Variants in DAB1 observed in about 807,000 individuals in gnomAD.
The protein encoded by DAB1 is disabled homolog 1.
DAB1 carries 15 observed loss-of-function variants against 64.6 expected under a neutral mutation model. The ratio of observed to expected loss-of-function variants is 0.23; its 90% CI spans 0.16 to 0.36. DAB1 has a LOEUF of 0.36. Ranked by LOEUF, DAB1 falls within the 10% of genes least tolerant of loss-of-function variation. DAB1 has a pLI of 1.00. For missense variants in DAB1, 596 were observed against 706.7 expected (o/e 0.84, Z 1.78); for synonymous variants, 235 against 251.9 (o/e 0.93, Z 0.64).
At chr1:57,286,359 G>A (rs552539509) in intron 2 of DAB1, among the ~76,000 whole-genome samples, 1 of 151,838 alleles carries the variant, frequency 6.6e-6, no homozygotes, top group Admixed American at 6.6e-5. Flanking sequence ...CTTAATAAGA[G>A]GGGGAAAAAA....
intron 14 of DAB1, among the ~76,000 whole-genome samples, chr1:57,000,543 C>G (rs1238811855): frequency 6.6e-6 from 1 of 152,112 alleles, no homozygotes; most frequent in Admixed American, 6.5e-5. Flanking sequence ...TATTAAACAC[C>G]AAATCTATTC....
Position 58,169,328 on chromosome 1 carries a change from G to A in DAB1, n.310-18740C>T, listed in dbSNP as rs1444096235. Among the ~76,000 whole-genome samples, 10 of 152,214 alleles carry A rather than the reference G, an allele frequency of 6.6e-5. No individual in the cohort carries two copies. The South Asian group carries it at 1.0e-3, about 16-fold the overall frequency. On this transcript the variant is annotated intron_variant and non_coding_transcript_variant, in intron 4 of 20. Transcript: ENST00000485760. Reference sequence around the variant, plus strand: ...ATGAGCACAACTATTCCGATCAGCAGGGTCCAGGGACCATTGTGGGTTCTT... The same window carrying A: ...ATGAGCACAACTATTCCGATCAGCAAGGTCCAGGGACCATTGTGGGTTCTT...
At chr1:57,318,331 AG>A (rs2100755823) in intron 1 of DAB1, among the ~76,000 whole-genome samples, 1 of 152,320 alleles carries the variant, frequency 6.6e-6, no homozygotes, top group African/African-American at 2.4e-5. Context: ...TTCTTTCTAA[AG>A]AAAAGGAGAA....
At chr1:57,457,798 G>C (rs2101170302) in intron 7 of DAB1, among the ~76,000 whole-genome samples, 1 of 152,156 alleles carries the variant, frequency 6.6e-6, no homozygotes, top group South Asian at 2.1e-4. Context: ...GTAAGAAAGA[G>C]AAAGAAGATG....
chr1:57,399,348 TGATA>T (rs1683059301), intron 1 of DAB1, among the ~76,000 whole-genome samples: 1 of 152,168 alleles, frequency 6.6e-6, no homozygotes, highest in African/African-American at 2.4e-5. Context: ...GACCATAACA[TGATA>T]GATGGATGGA....
chr1:57,672,121 A>G, intron 6 of DAB1, among the ~76,000 whole-genome samples: 1 of 152,094 alleles, frequency 6.6e-6, no homozygotes, highest in African/African-American at 2.4e-5. Context: ...AGTTAAGTAA[A>G]TTGCTCATGG....
intron 5 of DAB1, among the ~76,000 whole-genome samples, chr1:58,083,540 T>C (rs111352331): frequency 6.6e-6 from 1 of 152,234 alleles, no homozygotes; most frequent in Non-Finnish European, 1.5e-5. Context: ...TGTTTAACTA[T>C]ATATGAATTT....
chr1:57,518,375 C>T (rs1644487231), intron 7 of DAB1, among the ~76,000 whole-genome samples: 1 of 152,174 alleles, frequency 6.6e-6, no homozygotes, highest in Non-Finnish European at 1.5e-5. Flanking sequence ...CAAATCTCAA[C>T]TCCAATGCCA....
intron 1 of DAB1, among the ~76,000 whole-genome samples, chr1:57,377,839 G>T (rs1037554170): frequency 9.9e-5 from 15 of 152,104 alleles, no homozygotes; most frequent in African/African-American, 3.6e-4. Flanking sequence ...AACCCTGGGG[G>T]AGCTGTTACC....
intron 1 of DAB1, among the ~76,000 whole-genome samples, chr1:57,838,082 C>T (rs1652891368): frequency 6.6e-6 from 1 of 152,060 alleles, no homozygotes; most frequent in East Asian, 1.9e-4. Context: ...TGGGTTTGAA[C>T]TAAGGCACTG....
intron 5 of DAB1, among the ~76,000 whole-genome samples, chr1:58,119,225 CGTGTGT>C (rs35994489): frequency 0.051 from 7,506 of 146,912 alleles, 207 homozygotes; most frequent in Admixed American, 0.079. Flanking sequence ...TGTGTGTGTG[CGTGTGT>C]GTGTGTGTGT....
intron 7 of DAB1, among the ~76,000 whole-genome samples, chr1:57,483,726 G>A (rs906794998): frequency 2.6e-5 from 4 of 152,026 alleles, no homozygotes; most frequent in Admixed American, 1.3e-4. Context: ...ACCTGGAAAT[G>A]TCCTGCTTCC....
intron 6 of DAB1, among the ~76,000 whole-genome samples, chr1:57,714,085 C>G (rs1647056699): frequency 6.6e-6 from 1 of 152,092 alleles, no homozygotes; most frequent in Non-Finnish European, 1.5e-5. Flanking sequence ...AGATGATAAA[C>G]AAATACAATA....
At chr1:58,396,142 G>T (rs78570816) in intron 3 of DAB1, among the ~76,000 whole-genome samples, 2 of 148,522 alleles carry the variant, frequency 1.3e-5, no homozygotes, top group African/African-American at 2.5e-5. Flanking sequence ...GGGAGGGGGG[G>T]ATGGAAATGA....
chr1:58,405,709 T>C, intron 3 of DAB1, among the ~76,000 whole-genome samples: 1 of 152,228 alleles, frequency 6.6e-6, no homozygotes. Context: ...CTCCTGCTCA[T>C]TGCTGAATCC....
intron 7 of DAB1, among the ~76,000 whole-genome samples, chr1:57,507,145 C>A (rs1432311639): frequency 2.0e-5 from 3 of 152,144 alleles, no homozygotes; most frequent in Non-Finnish European, 4.4e-5. Flanking sequence ...CTTAGCTTAC[C>A]GTTCAAGGCC....
At chr1:58,277,125 C>T (rs990914851) in intron 4 of DAB1, among the ~76,000 whole-genome samples, 6 of 149,768 alleles carry the variant, frequency 4.0e-5, no homozygotes, top group African/African-American at 9.9e-5. Context: ...CTGCAAGCTC[C>T]GCCTCCCGGG....
At chr1:57,092,087 T>A (rs1653733785) in intron 4 of DAB1, among the ~76,000 whole-genome samples, 3 of 152,184 alleles carry the variant, frequency 2.0e-5, no homozygotes, top group Admixed American at 6.5e-5. Flanking sequence ...TGGCCTAGAA[T>A]AAGAAAGTGC....
intron 1 of DAB1, among the ~76,000 whole-genome samples, chr1:57,382,551 A>G (rs1030358145): frequency 6.6e-6 from 1 of 152,196 alleles, no homozygotes; most frequent in Non-Finnish European, 1.5e-5. Flanking sequence ...CCAGAAAGCC[A>G]CATTCCTTTC....
Sources: gnomAD v4.1 joint callset for allele counts (sites outside exome capture counted in the v4.1 genomes callset) on GRCh38, gnomAD v4.1.1 for gene constraint, MANE v1.5 for transcripts, NCBI Gene and HGNC (gene_info 2026-07-23, HGNC 2026-07-21) for gene names.